PAIP2B: variants seen among roughly 807,000 people sequenced by gnomAD.
The protein encoded by PAIP2B is polyadenylate-binding protein-interacting protein 2B.
A neutral mutation model predicts 17.0 loss-of-function variants in PAIP2B; 13 were observed. That is an observed-to-expected ratio of 0.76 (90% CI 0.50 to 1.22). The LOEUF is 1.22. Ranked by LOEUF, PAIP2B falls within the 50% of genes most tolerant of loss-of-function variation. The probability of loss-of-function intolerance (pLI) is 0.00; values close to 1 mark genes in which losing one functional copy is unlikely to be tolerated. For synonymous variants in PAIP2B, 43 were observed against 48.7 expected (o/e 0.88, Z 0.48); for missense variants, 117 against 144.5 (o/e 0.81, Z 0.98).
chr2:71,218,955 A>G (rs1675504635), intron 1 of PAIP2B, among the ~76,000 whole-genome samples: 1 of 145,386 alleles, frequency 6.9e-6, no homozygotes, highest in Non-Finnish European at 1.5e-5. Flanking sequence ...TCACTCTGTC[A>G]CCTAGGCTGG....
chr2:71,220,441 C>A (rs1342805574), intron 1 of PAIP2B, among the ~76,000 whole-genome samples: 3 of 152,174 alleles, frequency 2.0e-5, no homozygotes, highest in Admixed American at 6.5e-5. Flanking sequence ...AAGCACTAAC[C>A]ACTGTCTCAG....
At chr2:71,220,413 T>C (rs1318193045) in intron 1 of PAIP2B, among the ~76,000 whole-genome samples, 3 of 152,248 alleles carry the variant, frequency 2.0e-5, no homozygotes, top group Non-Finnish European at 4.4e-5. Flanking sequence ...GCATAGAAAG[T>C]ATACAATAAA....
At chr2:71,196,625 A>G (rs1674826635) in intron 2 of PAIP2B, among the ~76,000 whole-genome samples, 1 of 151,958 alleles carries the variant, frequency 6.6e-6, no homozygotes, top group South Asian at 2.1e-4. Context: ...CACATTATTA[A>G]TATTATGTGG....
At chr2:71,226,441 G>T (rs1264715182) in intron 1 of PAIP2B, among the ~76,000 whole-genome samples, 1 of 152,202 alleles carries the variant, frequency 6.6e-6, no homozygotes, top group African/African-American at 2.4e-5. Flanking sequence ...GATGGAGCAA[G>T]TATAAAAAGG....
At chr2:71,212,018 C>T (rs1310231014) in intron 1 of PAIP2B, among the ~76,000 whole-genome samples, 1 of 152,130 alleles carries the variant, frequency 6.6e-6, no homozygotes, top group African/African-American at 2.4e-5. Flanking sequence ...TTGACTTCTC[C>T]AGATCAGCTC....
At position 71,182,744 on chromosome 2, in the gene PAIP2B, T is replaced by TAACA. The variant is rs928717998; in HGVS notation, c.*5731_*5734dup. The TAACA allele has an allele frequency of 1.3e-5, 2 of 152,166 alleles. No individual in the cohort carries two copies. The highest frequency in any genetic ancestry group is 2.4e-5 in the African/African-American group (1 of 41,450). The allele number at this position is 152,166 out of a possible 1,614,324, so 9.4% of individuals were successfully genotyped here. On this transcript the variant is annotated 3_prime_UTR_variant, in exon 4 of 4. Coordinates refer to ENST00000244221, the MANE Select transcript of PAIP2B (RefSeq NM_020459.1). ...GGGTACCACTGCCAGCAAATGCATT[T>TAACA]AACATTTTATTGAGATTCTCAACAG...
intron 1 of PAIP2B, among the ~76,000 whole-genome samples, chr2:71,215,566 C>G (rs1675408670): frequency 6.6e-6 from 1 of 152,240 alleles, no homozygotes; most frequent in South Asian, 2.1e-4. Context: ...GCCTAACCCA[C>G]TGTTTGTAAT....
rs1019371932 is a variant in PAIP2B, at chr2:71,188,184, G to C, written c.*295C>G. ...CTTATTTTGTTTAAATACACACCGC[G>C]GAACACTTCTGATGAAGGGGGGAAA... On this transcript the variant is annotated 3_prime_UTR_variant, in exon 4 of 4. Transcript: ENST00000244221. The C allele has an allele frequency of 7.3e-6, 3 of 411,294 alleles. No individual in the cohort carries two copies. In the South Asian group the frequency reaches 1.1e-4, roughly 15 times the overall value. The allele number at this position is 411,294 out of a possible 1,614,324, so 25.5% of individuals were successfully genotyped here.
intron 2 of PAIP2B, among the ~76,000 whole-genome samples, chr2:71,198,253 G>A (rs1475878282): frequency 1.2e-5 from 1 of 84,740 alleles, no homozygotes; most frequent in African/African-American, 4.4e-5. Flanking sequence ...CCGAGTAGCT[G>A]GGATACAGGT....
At chr2:71,190,338 A>G (rs1007497030) in intron 2 of PAIP2B, among the ~76,000 whole-genome samples, 1 of 152,140 alleles carries the variant, frequency 6.6e-6, no homozygotes, top group Admixed American at 6.6e-5. Context: ...GCTGGAGGAC[A>G]ACTTGAATGC....
Position 71,187,567 on chromosome 2 carries a change from C to A in PAIP2B, c.*912G>T, listed in dbSNP as rs1207893493. On this transcript the variant is annotated 3_prime_UTR_variant, in exon 4 of 4. Coordinates refer to ENST00000244221, the MANE Select transcript of PAIP2B (RefSeq NM_020459.1). ...TGATGAGGCTGGAAAAAAAAACTGT[C>A]CAAATAAAATTAAGACACAACAGAT... 1 of 152,178 alleles carries A rather than the reference C, an allele frequency of 6.6e-6. No individual in the cohort carries two copies. Among genetic ancestry groups the A allele is most frequent in the African/African-American group, 2.4e-5 (1 of 41,434 alleles). The allele number at this position is 152,178 out of a possible 1,614,324, so 9.4% of individuals were successfully genotyped here.
chr2:71,206,986 A>G (rs1215287558), intron 1 of PAIP2B, among the ~76,000 whole-genome samples: 1 of 152,182 alleles, frequency 6.6e-6, no homozygotes, highest in Non-Finnish European at 1.5e-5. Flanking sequence ...CATCTTAACA[A>G]CTAAGATCAT....
chr2:71,215,643 G>C (rs59432780), intron 1 of PAIP2B, among the ~76,000 whole-genome samples: 31,608 of 152,114 alleles, frequency 0.21, 4,466 homozygotes, highest in East Asian at 0.74. Context: ...GCCGTGGAAC[G>C]ATAGAAATTA....
chr2:71,224,272 G>A (rs1380087), intron 1 of PAIP2B, among the ~76,000 whole-genome samples: 139,756 of 152,294 alleles, frequency 0.92, 64,195 homozygotes, highest in Admixed American at 0.93. Flanking sequence ...TTGTAAGTAA[G>A]GAAAATTCAA....
At chr2:71,211,601 T>TG (rs1376704175) in intron 1 of PAIP2B, among the ~76,000 whole-genome samples, 5 of 93,342 alleles carry the variant, frequency 5.4e-5, no homozygotes, top group East Asian at 4.1e-4. Context: ...GAATGCTCTT[T>TG]GAAAAAAAAA....
chr2:71,215,411 A>G (rs1675403262), intron 1 of PAIP2B, among the ~76,000 whole-genome samples: 1 of 152,216 alleles, frequency 6.6e-6, no homozygotes, highest in Admixed American at 6.5e-5. Flanking sequence ...CGTTTTCTAG[A>G]AAACAGTCTG....
Position 71,188,108 on chromosome 2 carries a change from T to C in PAIP2B, c.*371A>G, listed in dbSNP as rs3732237. ...AGGTGCTCACTGTCCCTGATAAGTA[T>C]ACAGCAGGGTGAGAGGGGCATTTCC... On this transcript the variant is annotated 3_prime_UTR_variant, in exon 4 of 4. Coordinates refer to ENST00000244221, the MANE Select transcript of PAIP2B (RefSeq NM_020459.1). 1.9e-4 allele frequency: 41 copies of C among 212,578 alleles called. No homozygotes were observed. The East Asian group carries it at 3.9e-3, about 20-fold the overall frequency. The allele number at this position is 212,578 out of a possible 1,614,324, so 13.2% of individuals were successfully genotyped here.
intron 2 of PAIP2B, among the ~76,000 whole-genome samples, chr2:71,190,677 T>C (rs180696547): frequency 3.7e-4 from 57 of 152,298 alleles, no homozygotes; most frequent in Middle Eastern, 3.4e-3. Context: ...AGCCTAAAAT[T>C]CTTTTCTCAG....
intron 2 of PAIP2B, among the ~76,000 whole-genome samples, chr2:71,191,826 A>C (rs1255532855): frequency 6.6e-6 from 1 of 152,214 alleles, no homozygotes; most frequent in African/African-American, 2.4e-5. Flanking sequence ...CCAAGTGGGC[A>C]CCAGATCACT....
Sources: allele counts gnomAD v4.1 joint callset (sites outside exome capture counted in the v4.1 genomes callset), GRCh38; gene constraint gnomAD v4.1.1; transcripts MANE v1.5; gene names NCBI Gene and HGNC (gene_info 2026-07-23, HGNC 2026-07-21).